Variants in RBFOX3 observed in about 807,000 individuals in gnomAD.
The protein encoded by RBFOX3 is RNA binding fox-1 homolog 3.
Under a neutral mutation model 48.7 loss-of-function variants are expected in RBFOX3, and 17 were observed. The ratio of observed to expected loss-of-function variants is 0.35; its 90% CI spans 0.24 to 0.52. The LOEUF is 0.52. Ranked by LOEUF, RBFOX3 falls within the 20% of genes least tolerant of loss-of-function variation. RBFOX3 has a pLI of 0.94. For synonymous variants in RBFOX3, 212 were observed against 209.5 expected (o/e 1.01, Z -0.10); for missense variants, 382 against 497.5 (o/e 0.77, Z 2.21).
chr17:79,610,888 G>T lies in RBFOX3; in HGVS notation c.-382C>A, dbSNP rs1480203704. On this transcript the variant is annotated 5_prime_UTR_variant, in exon 1 of 15. Transcript: ENST00000693108. ...GCGGCCATGCCCCGGCTGCATCCCG[G>T]CCGCCGAGCGGGCAGCGGCGTCCTG... is the stretch of plus-strand genomic sequence containing the variant. Among the ~76,000 whole-genome samples the T allele has an allele frequency of 2.0e-5, 3 of 151,610 alleles. No homozygotes were observed. The highest frequency in any genetic ancestry group is 4.4e-5 in the Non-Finnish European group (3 of 67,850).
At chr17:79,192,747 C>T (rs892477127) in intron 4 of RBFOX3, among the ~76,000 whole-genome samples, 1 of 152,168 alleles carries the variant, frequency 6.6e-6, no homozygotes, top group Non-Finnish European at 1.5e-5. Context: ...CTCCCTGGGC[C>T]CAAACAAGCA....
intron 1 of RBFOX3, among the ~76,000 whole-genome samples, chr17:79,531,060 G>C (rs919639633): frequency 6.6e-6 from 1 of 152,230 alleles, no homozygotes; most frequent in South Asian, 2.1e-4. Flanking sequence ...CCAGTCCAGG[G>C]GCTCCTCCCC....
At chr17:79,186,751 T>A (rs1307997850) in intron 4 of RBFOX3, among the ~76,000 whole-genome samples, 2 of 152,258 alleles carry the variant, frequency 1.3e-5, no homozygotes, top group African/African-American at 4.8e-5. Flanking sequence ...AGGCAGGAAC[T>A]GAGCTGTAAT....
intron 3 of RBFOX3, among the ~76,000 whole-genome samples, chr17:79,277,181 C>T (rs1289279821): frequency 6.6e-6 from 1 of 152,050 alleles, no homozygotes; most frequent in Non-Finnish European, 1.5e-5. Flanking sequence ...TGCCCCCAGG[C>T]TGCCACTGGG....
intron 14 of RBFOX3, among the ~76,000 whole-genome samples, chr17:79,093,796 C>CACACACACACAT (rs1243874176): frequency 2.0e-5 from 2 of 102,180 alleles, no homozygotes; most frequent in Non-Finnish European, 3.9e-5. Context: ...GCTGGCCACA[C>CACACACACACAT]ACACACACAC....
At chr17:79,497,200 G>C (rs2081662812) in intron 1 of RBFOX3, among the ~76,000 whole-genome samples, 1 of 152,178 alleles carries the variant, frequency 6.6e-6, no homozygotes, top group African/African-American at 2.4e-5. Context: ...GGAAAGCTGG[G>C]AAATATCTCA....
chr17:79,223,315 G>A (rs1290409338), intron 4 of RBFOX3, among the ~76,000 whole-genome samples: 1 of 151,902 alleles, frequency 6.6e-6, no homozygotes, highest in African/African-American at 2.4e-5. Context: ...CCCTGCACAC[G>A]CACACAGCTG....
intron 1 of RBFOX3, among the ~76,000 whole-genome samples, chr17:79,524,764 G>A (rs991001028): frequency 6.9e-4 from 105 of 152,284 alleles, no homozygotes; most frequent in Non-Finnish European, 9.7e-4. Context: ...TGTAAATGGA[G>A]CCCTAGTTTG....
the RBFOX3 span, among the ~76,000 whole-genome samples, chr17:79,638,364 G>A: frequency 6.7e-6 from 1 of 148,882 alleles, no homozygotes; most frequent in Non-Finnish European, 1.5e-5. Flanking sequence ...CAAAGAAAGA[G>A]AGAAGGCTCA....
chr17:79,162,475 A>C (rs2047174538), intron 4 of RBFOX3, among the ~76,000 whole-genome samples: 2 of 152,220 alleles, frequency 1.3e-5, no homozygotes, highest in Admixed American at 1.3e-4. Context: ...TGTCACATGG[A>C]GCACACATGC....
At chr17:79,431,851 A>G (rs568570341) in intron 2 of RBFOX3, among the ~76,000 whole-genome samples, 1 of 152,354 alleles carries the variant, frequency 6.6e-6, no homozygotes, top group East Asian at 1.9e-4. Flanking sequence ...AGTCAGTGGC[A>G]TTCGGAACAT....
intron 2 of RBFOX3, among the ~76,000 whole-genome samples, chr17:79,437,276 A>G (rs2069706594): frequency 6.6e-6 from 1 of 152,108 alleles, no homozygotes; most frequent in South Asian, 2.1e-4. Flanking sequence ...GCCCTGACTG[A>G]CAGCTGCCCA....
chr17:79,103,317 G>T lies in RBFOX3; in HGVS notation c.415-63C>A. The stretch of plus-strand genomic sequence containing the variant: ...GAGGACACAGGGCGAGAAAGAGGAG[G>T]AAGACGAGGAAGAAGAGGAGTGGGA... On this transcript the variant is annotated intron_variant, in intron 7 of 14. Transcript: ENST00000693108. The surrounding 1 kb of genome is among the most constrained non-coding windows in gnomAD (Gnocchi z 6.1). The T allele has an allele frequency of 9.2e-7, 1 of 1,089,838 alleles. No homozygotes were observed. Among genetic ancestry groups the T allele is most frequent in the African/African-American group, 1.6e-5 (1 of 63,848 alleles). The allele number at this position is 1,089,838 out of a possible 1,614,324, so 67.5% of individuals were successfully genotyped here.
chr17:79,643,963 C>A, the RBFOX3 span, among the ~76,000 whole-genome samples: 1 of 151,870 alleles, frequency 6.6e-6, no homozygotes, highest in Non-Finnish European at 1.5e-5. Flanking sequence ...AGAAAATTAA[C>A]AGAGCTAAAA....
intron 1 of RBFOX3, among the ~76,000 whole-genome samples, chr17:79,510,241 C>T (rs1457352366): frequency 1.3e-5 from 2 of 152,144 alleles, no homozygotes; most frequent in East Asian, 1.9e-4. Flanking sequence ...AAGTTCCATC[C>T]TCCCGGCCAG....
intron 1 of RBFOX3, among the ~76,000 whole-genome samples, chr17:79,520,488 T>A (rs1167760686): frequency 6.6e-6 from 1 of 152,120 alleles, no homozygotes; most frequent in Non-Finnish European, 1.5e-5. Context: ...AGGATGCGCA[T>A]TAAAACCCCA....
chr17:79,187,434 G>T (rs1447994806), intron 4 of RBFOX3, among the ~76,000 whole-genome samples: 1 of 152,196 alleles, frequency 6.6e-6, no homozygotes, highest in Non-Finnish European at 1.5e-5. Flanking sequence ...GCTGTGCTTG[G>T]CCGCGCCAAG....
intron 1 of RBFOX3, among the ~76,000 whole-genome samples, chr17:79,516,574 G>A (rs1159521690): frequency 6.6e-6 from 1 of 152,272 alleles, no homozygotes; most frequent in East Asian, 1.9e-4. Context: ...CCCAGAGGAG[G>A]TCCTGGGACC....
chr17:79,416,390 G>A (rs148533926), intron 2 of RBFOX3, among the ~76,000 whole-genome samples: 14 of 152,252 alleles, frequency 9.2e-5, no homozygotes, highest in South Asian at 2.1e-4. Flanking sequence ...TAGCAGACCC[G>A]CCAGCTCTCC....
Sources: allele counts gnomAD v4.1 joint callset (sites outside exome capture counted in the v4.1 genomes callset), GRCh38; gene constraint gnomAD v4.1.1; non-coding constraint Gnocchi (gnomAD v3.1); transcripts MANE v1.5; gene names NCBI Gene and HGNC (gene_info 2026-07-23, HGNC 2026-07-21).